The following PLA2G4A variants were observed in gnomAD, a reference collection of about 807,000 sequenced individuals.
PLA2G4A encodes phospholipase A2 group IVA.
PLA2G4A carries 40 observed loss-of-function variants against 81.9 expected under a neutral mutation model. The ratio of observed to expected loss-of-function variants is 0.49; its 90% CI spans 0.38 to 0.64. The LOEUF (loss-of-function observed/expected upper bound fraction) is 0.64. Among genes scored for constraint, PLA2G4A ranks in the 30% least tolerant of loss-of-function variants. The pLI, the probability that PLA2G4A is intolerant of heterozygous loss-of-function variation, is 0.00. For synonymous variants in PLA2G4A, 302 were observed against 296.9 expected (o/e 1.02, Z -0.18); for missense variants, 715 against 905.1 (o/e 0.79, Z 2.69).
At chr1:186,974,035 T>C (rs1657447896) in intron 15 of PLA2G4A, among the ~76,000 whole-genome samples, 1 of 151,648 alleles carries the variant, frequency 6.6e-6, no homozygotes, top group South Asian at 2.1e-4. Flanking sequence ...GACAAGTCAA[T>C]TTATTATTTT....
At chr1:186,945,158 A>G (rs1656292397) in intron 10 of PLA2G4A, among the ~76,000 whole-genome samples, 1 of 152,140 alleles carries the variant, frequency 6.6e-6, no homozygotes, top group Non-Finnish European at 1.5e-5. Context: ...ATTAAGTAGG[A>G]GCAAGCATTA....
chr1:186,871,355 A>G (rs988993975), intron 3 of PLA2G4A, among the ~76,000 whole-genome samples: 2 of 152,178 alleles, frequency 1.3e-5, no homozygotes, highest in African/African-American at 4.8e-5. Flanking sequence ...ATGATGATGA[A>G]TTTGATAACA....
intron 14 of PLA2G4A, among the ~76,000 whole-genome samples, chr1:186,962,609 T>C (rs1178750611): frequency 2.0e-5 from 3 of 151,916 alleles, no homozygotes; most frequent in East Asian, 1.9e-4. Context: ...GCAAGCTCCG[T>C]CTCCCGAGTT....
chr1:186,906,580 T>C (rs999913369), intron 5 of PLA2G4A, among the ~76,000 whole-genome samples: 4 of 152,244 alleles, frequency 2.6e-5, no homozygotes, highest in African/African-American at 7.2e-5. Flanking sequence ...TTACAGCTTC[T>C]GATTTTGTGG....
chr1:186,863,505 A>G lies in PLA2G4A; in HGVS notation c.34-6930A>G, dbSNP rs185718580. Among the ~76,000 whole-genome samples, 434 of 152,284 alleles carry G rather than the reference A, an allele frequency of 2.8e-3. 1 individual carries two copies. Among genetic ancestry groups the G allele is most frequent in the African/African-American group, 0.01 (420 of 41,576 alleles). ...CATCTTTGTGGTGAGCACATTAAAAATCTTCTCTTCTATTTTGAAATATGC... is the reference window on the plus strand; with the variant it reads ...CATCTTTGTGGTGAGCACATTAAAAGTCTTCTCTTCTATTTTGAAATATGC... On this transcript the variant is annotated intron_variant, in intron 2 of 17. Coordinates refer to ENST00000367466, the MANE Select transcript of PLA2G4A (RefSeq NM_024420.3).
At chr1:186,855,441 A>T (rs751788867) in intron 2 of PLA2G4A, among the ~76,000 whole-genome samples, 1 of 152,006 alleles carries the variant, frequency 6.6e-6, no homozygotes, top group South Asian at 2.1e-4. Flanking sequence ...CATAAAGTGC[A>T]TAAATCTTAA....
intron 3 of PLA2G4A, among the ~76,000 whole-genome samples, chr1:186,878,728 T>A (rs1285025643): frequency 6.6e-6 from 1 of 151,884 alleles, no homozygotes; most frequent in Non-Finnish European, 1.5e-5. Flanking sequence ...TTTATTAGAT[T>A]TTTTTGTTTG....
rs1334384646 is a variant in PLA2G4A at position 186,985,805 on chromosome 1, A to G, written c.2119-2572A>G. On this transcript the variant is annotated intron_variant, in intron 17 of 17. Coordinates refer to ENST00000367466, the MANE Select transcript of PLA2G4A (RefSeq NM_024420.3). Reference sequence around the variant, plus strand: ...TTTTGCTGGGATAACACTGAAGGGAAGGATTTGGAATCCCAATGAATTTCA... The same window carrying G: ...TTTTGCTGGGATAACACTGAAGGGAGGGATTTGGAATCCCAATGAATTTCA... Among the ~76,000 whole-genome samples, 3 of 152,194 alleles carry G rather than the reference A, an allele frequency of 2.0e-5. No individual in the cohort carries two copies. In the East Asian group the frequency reaches 5.8e-4, roughly 29 times the overall value.
intron 6 of PLA2G4A, among the ~76,000 whole-genome samples, chr1:186,910,861 A>C (rs562789615): frequency 2.0e-5 from 3 of 152,312 alleles, no homozygotes; most frequent in African/African-American, 7.2e-5. Context: ...TGATGGTGGA[A>C]TAGTGAAGGG....
In PLA2G4A at chr1:186,898,707, T is replaced by C. The variant is rs1179973786; in HGVS notation, c.378+4496T>C. On this transcript the variant is annotated intron_variant, in intron 5 of 17. Transcript: ENST00000367466. ...AAAGATTTATACAGTGAACATCATA[T>C]AACTGCCACCTAGATTCTATAACTA... is the stretch of plus-strand genomic sequence containing the variant. 5.9e-5 allele frequency among the ~76,000 whole-genome samples: 9 copies of C among 152,200 alleles called. No homozygotes were observed. In the East Asian group the frequency reaches 1.7e-3, roughly 29 times the overall value.
chr1:186,897,169 T>C (rs1654361324), intron 5 of PLA2G4A, among the ~76,000 whole-genome samples: 1 of 152,316 alleles, frequency 6.6e-6, no homozygotes, highest in East Asian at 1.9e-4. Flanking sequence ...TTCATAGTTT[T>C]GTCATCCAAA....
intron 1 of PLA2G4A, among the ~76,000 whole-genome samples, chr1:186,840,860 A>G (rs1179960267): frequency 2.0e-5 from 3 of 152,228 alleles, no homozygotes; most frequent in African/African-American, 7.2e-5. Context: ...GCAATTAAAG[A>G]GGGAGTGGAA....
chr1:186,986,449 T>C (rs1657894362), intron 17 of PLA2G4A, among the ~76,000 whole-genome samples: 3 of 152,218 alleles, frequency 2.0e-5, no homozygotes. Flanking sequence ...TTTGCTGATA[T>C]AGATCTCTAG....
At chr1:186,854,518 A>G (rs1282410620) in intron 2 of PLA2G4A, 131 bp downstream of exon 2, 4 of 700,616 alleles carry the variant, frequency 5.7e-6, no homozygotes, top group Non-Finnish European at 1.1e-5. Context: ...TATGAACTTA[A>G]TATAATACAA....
In PLA2G4A at chr1:186,988,917, C is replaced by A. The variant is rs1657982615; in HGVS notation, c.*409C>A. On this transcript the variant is annotated 3_prime_UTR_variant, in exon 18 of 18. Transcript: ENST00000367466. Reference sequence around the variant, plus strand: ...TAGATTTATTCATACCATGAGACAACACTATTTTTATTTATATATGCATAT... The same window carrying A: ...TAGATTTATTCATACCATGAGACAAAACTATTTTTATTTATATATGCATAT... 1 of 164,100 alleles carries A rather than the reference C, an allele frequency of 6.1e-6. No homozygotes were observed. Among genetic ancestry groups the A allele is most frequent in the African/African-American group, 2.4e-5 (1 of 41,456 alleles). 10.2% of individuals were successfully genotyped at this position (164,100 alleles called of 1,614,324 possible).
At chr1:186,866,669 G>T (rs530858687) in intron 2 of PLA2G4A, among the ~76,000 whole-genome samples, 2 of 152,154 alleles carry the variant, frequency 1.3e-5, no homozygotes, top group East Asian at 3.9e-4. Context: ...AAAAAATATT[G>T]CTCATAGTTT....
rs117489812 is a variant in PLA2G4A at position 186,957,366 on chromosome 1, C to T, written c.1579+1022C>T. Among the ~76,000 whole-genome samples the T allele has an allele frequency of 1.9e-4, 29 of 152,284 alleles. No homozygotes were observed. In the East Asian group the frequency reaches 5.2e-3, roughly 27 times the overall value. On this transcript the variant is annotated intron_variant, in intron 14 of 17. Transcript: ENST00000367466. ...TCGTTCCAAACCTTCAGGGAGCAAG[C>T]TTTAGGCTGAGCTTTCAGGAATGGT...
Position 186,921,675 on chromosome 1 carries a change from C to A in PLA2G4A, c.558+10286C>A, listed in dbSNP as rs900427250. On this transcript the variant is annotated intron_variant, in intron 7 of 17. Transcript: ENST00000367466. The stretch of plus-strand genomic sequence containing the variant: ...GTGCTGTGGCCTCAGGAGTGGGGAG[C>A]CCTTCCTTTTGATAAGGAGGGGGTA... Among the ~76,000 whole-genome samples, 8 of 152,060 alleles carry A rather than the reference C, an allele frequency of 5.3e-5. No homozygotes were observed. In the East Asian group the frequency reaches 5.8e-4, roughly 11 times the overall value.
chr1:186,916,540 G>T (rs1233045009), intron 7 of PLA2G4A, among the ~76,000 whole-genome samples: 4 of 152,088 alleles, frequency 2.6e-5, no homozygotes, highest in Non-Finnish European at 5.9e-5. Flanking sequence ...CAAATTTCAA[G>T]ATTATGCGTT....
Sources: gnomAD v4.1 joint callset for allele counts (sites outside exome capture counted in the v4.1 genomes callset) on GRCh38, gnomAD v4.1.1 for gene constraint, MANE v1.5 for transcripts, NCBI Gene and HGNC (gene_info 2026-07-23, HGNC 2026-07-21) for gene names.